The following BCO1 variants were observed in gnomAD, a reference collection of about 807,000 sequenced individuals.
BCO1 encodes beta,beta-carotene 15,15'-dioxygenase.
In BCO1, 54 loss-of-function variants were observed where a neutral mutation model predicts 56.3. That is an observed-to-expected ratio of 0.96 (90% CI 0.77 to 1.20). The LOEUF (loss-of-function observed/expected upper bound fraction) is 1.20, where lower values mean the gene tolerates loss of function less well. BCO1 is among the 50% of genes most tolerant of loss of function. The probability of loss-of-function intolerance (pLI) is 0.00; values close to 1 mark genes in which losing one functional copy is unlikely to be tolerated. For synonymous variants in BCO1, 318 were observed against 266.1 expected (o/e 1.20, Z -1.90); for missense variants, 801 against 690.9 (o/e 1.16, Z -1.79).
At chr16:81,242,252 T>C (rs572482842) in intron 1 of BCO1, among the ~76,000 whole-genome samples, 3 of 136,588 alleles carry the variant, frequency 2.2e-5, no homozygotes, top group East Asian at 4.4e-4. Flanking sequence ...CAGGCAAGAG[T>C]GCAATGGCGC....
chr16:81,248,039 G>A (rs536084506), intron 2 of BCO1, among the ~76,000 whole-genome samples: 4 of 152,146 alleles, frequency 2.6e-5, no homozygotes, highest in East Asian at 1.9e-4. Context: ...AGATCTAAAC[G>A]AATGTGTAAA....
chr16:81,243,534 T>C (rs1443515348), intron 1 of BCO1, among the ~76,000 whole-genome samples: 1 of 152,152 alleles, frequency 6.6e-6, no homozygotes, highest in Non-Finnish European at 1.5e-5. Context: ...AGTGGCGTGA[T>C]CTCAGCTCAC....
intron 10 of BCO1, among the ~76,000 whole-genome samples, chr16:81,289,553 A>G (rs1908351956): frequency 6.6e-6 from 1 of 152,164 alleles, no homozygotes; most frequent in South Asian, 2.1e-4. Context: ...AAGTGGGAGG[A>G]TAGCTTGAGC....
At chr16:81,248,217 C>T (rs540127270) in intron 2 of BCO1, among the ~76,000 whole-genome samples, 1 of 151,974 alleles carries the variant, frequency 6.6e-6, no homozygotes, top group African/African-American at 2.4e-5. Context: ...GCCTGGCCAA[C>T]ATGGTGAAAC....
chr16:81,268,186 C>A (rs1906954925), intron 6 of BCO1, 55 bp downstream of exon 6: 16 of 1,517,230 alleles, frequency 1.1e-5, no homozygotes, highest in Non-Finnish European at 1.4e-5. Context: ...TGGAGGGAGG[C>A]TGGTGTGCAG....
chr16:81,251,509 G>A (rs1457350742), intron 2 of BCO1, among the ~76,000 whole-genome samples: 1 of 151,146 alleles, frequency 6.6e-6, no homozygotes, highest in Non-Finnish European at 1.5e-5. Flanking sequence ...GCAGTGAGCC[G>A]AGATCACACC....
At chr16:81,272,175 G>A (rs188562490) in intron 7 of BCO1, among the ~76,000 whole-genome samples, 4 of 144,386 alleles carry the variant, frequency 2.8e-5, no homozygotes, top group African/African-American at 5.2e-5. Flanking sequence ...GTGCAGTGGC[G>A]CAGTCTCAGC....
intron 2 of BCO1, among the ~76,000 whole-genome samples, chr16:81,257,216 G>A (rs896674162): frequency 2.6e-5 from 4 of 152,160 alleles, no homozygotes; most frequent in Admixed American, 6.5e-5. Flanking sequence ...TCTCACCCCT[G>A]CCCCAGGAGG....
chr16:81,283,959 GCGGA>G (rs1908021507), intron 8 of BCO1, among the ~76,000 whole-genome samples: 1 of 151,908 alleles, frequency 6.6e-6, no homozygotes, highest in African/African-American at 2.4e-5. Context: ...GCTGAGACGG[GCGGA>G]TCATGAGGTC....
rs765354267 is a variant in BCO1, at chr16:81,290,615, G to A, written c.*38G>A. 1.3e-6 allele frequency: 2 copies of A among 1,504,204 alleles called. No homozygotes were observed. Among genetic ancestry groups the A allele is most frequent in the South Asian group, 2.2e-5 (2 of 88,938 alleles). 93.2% of individuals were successfully genotyped at this position (1,504,204 alleles called of 1,614,324 possible). ...TTGGGTAGGGGAGGGGAGCTCGGCT[G>A]TCAGAACTCCATGGATATGTTTCTT... On this transcript the variant is annotated 3_prime_UTR_variant, in exon 11 of 11. Transcript: ENST00000258168.
intron 2 of BCO1, among the ~76,000 whole-genome samples, chr16:81,254,917 C>A (rs1906034887): frequency 6.6e-6 from 1 of 152,146 alleles, no homozygotes; most frequent in African/African-American, 2.4e-5. Flanking sequence ...CCGCCTCAGC[C>A]TCCTGAACAG....
At chr16:81,288,857 C>CA (rs552290752) in intron 10 of BCO1, among the ~76,000 whole-genome samples, 160 of 152,342 alleles carry the variant, frequency 1.1e-3, no homozygotes, top group African/African-American at 3.8e-3. Context: ...AGCTTCTTCC[C>CA]TCAGGTCACA....
chr16:81,258,106 C>T (rs1042615860), intron 2 of BCO1, among the ~76,000 whole-genome samples: 1 of 152,138 alleles, frequency 6.6e-6, no homozygotes, highest in Non-Finnish European at 1.5e-5. Flanking sequence ...AATCAAGGAA[C>T]AGACCTCCCC....
At chr16:81,243,123 G>C (rs1008382104) in intron 1 of BCO1, among the ~76,000 whole-genome samples, 1 of 152,192 alleles carries the variant, frequency 6.6e-6, no homozygotes, top group South Asian at 2.1e-4. Context: ...GCATAAGGGA[G>C]ATGGCTTTTT....
At chr16:81,251,874 A>ATGTGTGTGTGTGTGTGCG (rs1905825790) in intron 2 of BCO1, among the ~76,000 whole-genome samples, 101 of 146,752 alleles carry the variant, frequency 6.9e-4, no homozygotes, top group African/African-American at 2.5e-3. Flanking sequence ...ACACACATAT[A>ATGTGTGTGTGTGTGTGCG]TGTGTGTGTG....
chr16:81,252,365 C>T (rs751836955), intron 2 of BCO1, among the ~76,000 whole-genome samples: 2 of 152,092 alleles, frequency 1.3e-5, no homozygotes, highest in Non-Finnish European at 2.9e-5. Context: ...GCTCAATTCT[C>T]CTGCCTCAGC....
chr16:81,256,693 GC>G (rs932954716), intron 2 of BCO1, among the ~76,000 whole-genome samples: 1 of 152,074 alleles, frequency 6.6e-6, no homozygotes, highest in African/African-American at 2.4e-5. Flanking sequence ...TTTGAGACCA[GC>G]CCGGCCAACA....
At chr16:81,243,492 G>A (rs868598093) in intron 1 of BCO1, among the ~76,000 whole-genome samples, 4 of 126,080 alleles carry the variant, frequency 3.2e-5, no homozygotes, top group African/African-American at 1.2e-4. Flanking sequence ...TTTATGAGAC[G>A]GAGTCTTGCT....
intron 10 of BCO1, 126 bp from the exon 11 acceptor site, chr16:81,290,222 A>G: frequency 1.1e-5 from 9 of 805,260 alleles, no homozygotes; most frequent in Non-Finnish European, 1.5e-5. Flanking sequence ...CAGTGTCTCA[A>G]ATTCACTCCC....
Sources: allele counts gnomAD v4.1 joint callset (sites outside exome capture counted in the v4.1 genomes callset), GRCh38; gene constraint gnomAD v4.1.1; transcripts MANE v1.5; gene names NCBI Gene and HGNC (gene_info 2026-07-23, HGNC 2026-07-21).